Variants in ELF2 observed in about 807,000 individuals in gnomAD.
The protein encoded by ELF2 is ETS-related transcription factor Elf-2.
ELF2 carries 11 observed loss-of-function variants against 54.8 expected under a neutral mutation model. The ratio of observed to expected loss-of-function variants is 0.20; its 90% CI spans 0.13 to 0.33. The LOEUF (loss-of-function observed/expected upper bound fraction) is 0.33, where lower values mean the gene tolerates loss of function less well. Ranked by LOEUF, ELF2 falls within the 10% of genes least tolerant of loss-of-function variation. The probability of loss-of-function intolerance (pLI) is 1.00; values close to 1 mark genes in which losing one functional copy is unlikely to be tolerated. For synonymous variants in ELF2, 203 were observed against 245.1 expected (o/e 0.83, Z 1.61); for missense variants, 513 against 703.0 (o/e 0.73, Z 3.06).
chr4:139,150,384 A>G (rs2148882666), intron 1 of ELF2, among the ~76,000 whole-genome samples: 1 of 151,632 alleles, frequency 6.6e-6, no homozygotes, highest in African/African-American at 2.4e-5. Context: ...AAAAAAAATT[A>G]GCTGGGCATG....
intron 1 of ELF2, among the ~76,000 whole-genome samples, chr4:139,167,491 A>C (rs965251484): frequency 6.6e-6 from 1 of 152,200 alleles, no homozygotes; most frequent in African/African-American, 2.4e-5. Flanking sequence ...TTATAAACAA[A>C]TTTGTCTTAT....
At chr4:139,160,026 G>C (rs1327016914) in intron 1 of ELF2, among the ~76,000 whole-genome samples, 2 of 152,184 alleles carry the variant, frequency 1.3e-5, no homozygotes, top group South Asian at 2.1e-4. Context: ...CTCAATGATA[G>C]ATGTGGAAGA....
At chr4:139,100,669 C>A (rs1471104614) in intron 4 of ELF2, 1 of 152,062 alleles carries the variant, frequency 6.6e-6, no homozygotes, top group Non-Finnish European at 1.5e-5. Context: ...TTAAAAAAAA[C>A]ATTTTTTTAA....
chr4:139,078,390 T>C (rs947454519), intron 4 of ELF2, among the ~76,000 whole-genome samples: 9 of 152,150 alleles, frequency 5.9e-5, no homozygotes, highest in African/African-American at 2.2e-4. Flanking sequence ...GATTTACCAC[T>C]ACTTATCCTC....
chr4:139,067,778 A>C lies in ELF2; in HGVS notation c.527-8T>G. On this transcript the variant is annotated splice_polypyrimidine_tract_variant and splice_region_variant and intron_variant, in intron 6 of 9. Coordinates refer to ENST00000686138, the MANE Select transcript of ELF2 (RefSeq NM_001331036.3). ...TCTTTGGTTTACGGCCAACTGAAAA[A>C]ATAAGATATTGAAACCATACGTTGA... 3 of 1,576,036 alleles carry C rather than the reference A, an allele frequency of 1.9e-6. No individual in the cohort carries two copies. Among genetic ancestry groups the C allele is most frequent in the Non-Finnish European group, 2.6e-6 (3 of 1,156,290 alleles).
chr4:139,168,673 A>G (rs1307074271), intron 1 of ELF2, among the ~76,000 whole-genome samples: 1 of 152,174 alleles, frequency 6.6e-6, no homozygotes, highest in Non-Finnish European at 1.5e-5. Context: ...GCACCTAAAG[A>G]TAATTAAAAC....
At chr4:139,148,195 TG>T (rs1327875238) in intron 1 of ELF2, among the ~76,000 whole-genome samples, 1 of 151,106 alleles carries the variant, frequency 6.6e-6, no homozygotes, top group Non-Finnish European at 1.5e-5. Flanking sequence ...GTGATTTTTT[TG>T]GGGGGGTGGG....
intron 1 of ELF2, among the ~76,000 whole-genome samples, chr4:139,151,043 A>AAGAAAGGAAAGAAAG (rs1739877984): frequency 1.4e-5 from 1 of 73,676 alleles, no homozygotes; most frequent in Non-Finnish European, 3.0e-5. Flanking sequence ...AAAGAAAGAA[A>AAGAAAGGAAAGAAAG]GAAAGAAAGA....
intron 6 of ELF2, among the ~76,000 whole-genome samples, chr4:139,070,178 G>T (rs1025832908): frequency 2.0e-5 from 3 of 151,920 alleles, no homozygotes; most frequent in Non-Finnish European, 2.9e-5. Context: ...AGCTTTCACA[G>T]AAATAAATAA....
chr4:139,177,590 C>T (rs1458643527), upstream of ELF2, among the ~76,000 whole-genome samples: 1 of 152,112 alleles, frequency 6.6e-6, no homozygotes, highest in Non-Finnish European at 1.5e-5. Context: ...GCCCAGGGCT[C>T]CCCGATCTCG....
At chr4:139,114,150 T>G (rs1479360943) in intron 4 of ELF2, among the ~76,000 whole-genome samples, 1 of 152,248 alleles carries the variant, frequency 6.6e-6, no homozygotes, top group African/African-American at 2.4e-5. Flanking sequence ...AGTAAATATG[T>G]CATATTAAAA....
At chr4:139,062,498 C>T (rs1728026359) in intron 7 of ELF2, among the ~76,000 whole-genome samples, 1 of 152,114 alleles carries the variant, frequency 6.6e-6, no homozygotes, top group South Asian at 2.1e-4. Context: ...AAATGGTATC[C>T]CCTATGTATG....
chr4:139,099,616 C>T (rs949946349), intron 4 of ELF2, among the ~76,000 whole-genome samples: 2 of 152,166 alleles, frequency 1.3e-5, no homozygotes, highest in East Asian at 3.9e-4. Context: ...ATTTTGGATA[C>T]CTTAGTCTGA....
intron 4 of ELF2, among the ~76,000 whole-genome samples, chr4:139,112,070 G>A (rs1180315816): frequency 6.6e-6 from 1 of 152,098 alleles, no homozygotes; most frequent in Non-Finnish European, 1.5e-5. Context: ...TCTGATCCAA[G>A]AAACAGATAC....
chr4:139,151,032 A>G lies in ELF2; in HGVS notation c.-251-11535T>C, dbSNP rs4863632. On this transcript the variant is annotated intron_variant, in intron 1 of 9. Coordinates refer to ENST00000686138, the MANE Select transcript of ELF2 (RefSeq NM_001331036.3). ...GAACGAGGCTCCATCTCAAAAAAAA[A>G]AAAGAAAGAAAGAAAGAAAGAAAGA... Among the ~76,000 whole-genome samples the G allele has an allele frequency of 6.4e-3, 652 of 102,426 alleles. 13 individuals carry two copies. The highest frequency in any genetic ancestry group is 0.028 in the African/African-American group (550 of 19,652). 67.2% of individuals were successfully genotyped at this position (102,426 alleles called of 152,430 possible).
chr4:139,121,917 C>G (rs975932215), intron 4 of ELF2, among the ~76,000 whole-genome samples: 21 of 152,240 alleles, frequency 1.4e-4, no homozygotes, highest in South Asian at 1.2e-3. Context: ...AAAGGAGAAA[C>G]AAACAGCTCG....
At chr4:139,147,657 G>A (rs1739373164) in intron 1 of ELF2, among the ~76,000 whole-genome samples, 1 of 151,584 alleles carries the variant, frequency 6.6e-6, no homozygotes, top group Admixed American at 6.6e-5. Flanking sequence ...TGTATTTTTA[G>A]TAGAGACGGG....
chr4:139,104,066 G>A (rs1734170322), intron 4 of ELF2, among the ~76,000 whole-genome samples: 1 of 152,068 alleles, frequency 6.6e-6, no homozygotes, highest in Non-Finnish European at 1.5e-5. Flanking sequence ...ACCCAATTAT[G>A]ACCAAACACT....
chr4:139,116,479 AG>A (rs1000882610), intron 4 of ELF2, among the ~76,000 whole-genome samples: 1 of 152,232 alleles, frequency 6.6e-6, no homozygotes, highest in Non-Finnish European at 1.5e-5. Flanking sequence ...GAATATGGCA[AG>A]GGATAATTCA....
Sources: allele counts gnomAD v4.1 joint callset (sites outside exome capture counted in the v4.1 genomes callset), GRCh38; gene constraint gnomAD v4.1.1; transcripts MANE v1.5; gene names NCBI Gene and HGNC (gene_info 2026-07-23, HGNC 2026-07-21).